PACS2: variants seen among roughly 807,000 people sequenced by gnomAD.
PACS2 encodes PACS1-like protein.
PACS2 carries 36 observed loss-of-function variants against 113.0 expected under a neutral mutation model. That is an observed-to-expected ratio of 0.32 (90% CI 0.24 to 0.42). The LOEUF is 0.42. Among genes scored for constraint, PACS2 ranks in the 10% least tolerant of loss-of-function variants. The pLI is 1.00. For missense variants in PACS2, 1,015 were observed against 1,239.5 expected (o/e 0.82, Z 2.72); for synonymous variants, 589 against 536.1 (o/e 1.10, Z -1.36).
At position 105,379,725 on chromosome 14, in the gene PACS2, G is replaced by A. The variant is rs1480164628; in HGVS notation, c.960-14G>A. The A allele has an allele frequency of 6.2e-7, 1 of 1,610,844 alleles. No individual in the cohort carries two copies. The highest frequency in any genetic ancestry group is 1.1e-5 in the South Asian group (1 of 91,008). Reference sequence around the variant, plus strand: ...GGAAATTAACGTGTCCCCCACCCCTGTTCCCTGAGCCAGGCCATACTTTGA... The same window carrying A: ...GGAAATTAACGTGTCCCCCACCCCTATTCCCTGAGCCAGGCCATACTTTGA... On this transcript the variant is annotated splice_polypyrimidine_tract_variant and intron_variant, in intron 9 of 24. Coordinates refer to ENST00000447393, the MANE Select transcript of PACS2 (RefSeq NM_001100913.3).
At chr14:105,380,284 G>T (rs1170786056) in intron 11 of PACS2, 130 bp downstream of exon 11, 12 of 776,300 alleles carry the variant, frequency 1.5e-5, no homozygotes, top group Non-Finnish European at 2.5e-5. Flanking sequence ...CAGAGGTGGG[G>T]TCAGCCCTCA....
chr14:105,352,490 C>CG (rs2060217721), intron 3 of PACS2, 23 bp downstream of exon 3: 8 of 1,444,378 alleles, frequency 5.5e-6, no homozygotes, highest in South Asian at 1.1e-5. Flanking sequence ...CCAGTGGTGA[C>CG]GACACCCTCA....
intron 12 of PACS2, among the ~76,000 whole-genome samples, chr14:105,381,633 G>A (rs981941227): frequency 1.3e-5 from 2 of 152,222 alleles, no homozygotes; most frequent in African/African-American, 2.4e-5. Flanking sequence ...CAGTCCTCAC[G>A]GTGGCTCCAA....
At chr14:105,392,160 C>T (rs772055986) in intron 22 of PACS2, 6 of 326,914 alleles carry the variant, frequency 1.8e-5, no homozygotes, top group Admixed American at 4.8e-5. Flanking sequence ...CGGGTCTCTC[C>T]GGAGCAGACC....
chr14:105,343,699 C>CTT lies in PACS2; in HGVS notation c.120-4781_120-4780dup, dbSNP rs200290671. ...AACGTCTGTTCAAATATTTTGCTCA[C>CTT]TTTTTTTTTTTTTTGAGATGGAGTC... On this transcript the variant is annotated intron_variant, in intron 1 of 24. Transcript: ENST00000447393. Among the ~76,000 whole-genome samples, 52 of 142,238 alleles carry CTT rather than the reference C, an allele frequency of 3.7e-4. 1 individual carries two copies. Among genetic ancestry groups the CTT allele is most frequent in the African/African-American group, 1.2e-3 (47 of 38,766 alleles). The allele number at this position is 142,238 out of a possible 152,430, so 93.3% of individuals were successfully genotyped here. A position where few individuals can be genotyped will look rare whatever the true frequency, so the allele number is the denominator to read the frequency against.
chr14:105,318,516 C>T (rs1271924842), intron 1 of PACS2, among the ~76,000 whole-genome samples: 4 of 152,104 alleles, frequency 2.6e-5, no homozygotes, highest in African/African-American at 7.2e-5. Context: ...TGCAGTGGTG[C>T]AATCTCGGCT....
chr14:105,383,047 C>A, intron 15 of PACS2, 134 bp downstream of exon 15: 1 of 645,932 alleles, frequency 1.5e-6, no homozygotes, highest in Non-Finnish European at 2.7e-6. Flanking sequence ...GAGGCTGACC[C>A]ATGCGCTCTT....
intron 1 of PACS2, among the ~76,000 whole-genome samples, chr14:105,333,483 C>T (rs1036479912): frequency 1.3e-4 from 20 of 152,332 alleles, no homozygotes; most frequent in Middle Eastern, 6.8e-3. Flanking sequence ...CACAGTGTCT[C>T]GGCAGAAGGT....
intron 19 of PACS2, among the ~76,000 whole-genome samples, chr14:105,386,483 G>A (rs1392542410): frequency 6.6e-6 from 1 of 152,084 alleles, no homozygotes; most frequent in African/African-American, 2.4e-5. Context: ...AACCTTTCAT[G>A]TTCAGAGCCA....
At chr14:105,306,525 G>A (rs587764542) in intron 1 of PACS2, among the ~76,000 whole-genome samples, 3 of 152,122 alleles carry the variant, frequency 2.0e-5, no homozygotes, top group East Asian at 1.9e-4. Flanking sequence ...GGATGGCCTC[G>A]ATCTCCTGAC....
At chr14:105,371,360 G>T (rs781915556) in intron 8 of PACS2, 2 of 152,206 alleles carry the variant, frequency 1.3e-5, no homozygotes, top group Non-Finnish European at 2.9e-5. Flanking sequence ...GCACTCACCT[G>T]GGCAACTGAA....
Position 105,314,956 on chromosome 14 carries a change from C to CCGGCGCGCT in PACS2, c.40_48dup (p.Gly14_Leu16dup), listed in dbSNP as rs1422074156. 5.0e-6 allele frequency: 6 copies of CCGGCGCGCT among 1,191,672 alleles called. No homozygotes were observed. The Admixed American group carries it at 9.4e-5, about 19-fold the overall frequency. The allele number at this position is 1,191,672 out of a possible 1,614,324, so 73.8% of individuals were successfully genotyped here. On this transcript the variant is annotated inframe_insertion, in exon 1 of 25. Coordinates refer to ENST00000447393, the MANE Select transcript of PACS2 (RefSeq NM_001100913.3). ...GGCCGCCTCGGCCTCCCCGGCGCGC[C>CCGGCGCGCT]CGGCGCGCTCAACACGCCCGTGCCC...
chr14:105,303,853 A>C (rs958876845), intron 1 of PACS2, among the ~76,000 whole-genome samples: 1 of 152,348 alleles, frequency 6.6e-6, no homozygotes, highest in South Asian at 2.1e-4. Flanking sequence ...TTATGGCAAC[A>C]CTAGCTTGCA....
Position 105,384,364 on chromosome 14 carries a change from G to A in PACS2, c.1792G>A (p.Val598Met), listed in dbSNP as rs781953013. Reference sequence around the variant, plus strand: ...CCCCTGGCATGCAGGCTCCCACCCCGTGGCCAGGTACCTAGGCTCCGTGGA... The same window carrying A: ...CCCCTGGCATGCAGGCTCCCACCCCATGGCCAGGTACCTAGGCTCCGTGGA... ...FLVIPLGSHP[V>M]ARYLGSVDYR... The change falls in exon 17 of 25, where the codon GTG becomes ATG. Residue 598 changes from valine to methionine, a missense_variant. Around this residue, in one of 3 missense-constraint regions of PACS2, gnomAD observed 859 missense variants for 1,056.8 expected, o/e 0.81. Transcript: ENST00000447393. 3 of 1,608,488 alleles carry A rather than the reference G, an allele frequency of 1.9e-6. No individual in the cohort carries two copies. The highest frequency in any genetic ancestry group is 2.5e-6 in the Non-Finnish European group (3 of 1,176,940).
At chr14:105,311,160 G>A (rs1265888425), upstream of PACS2, among the ~76,000 whole-genome samples, 2 of 152,062 alleles carry the variant, frequency 1.3e-5, no homozygotes, top group African/African-American at 2.4e-5. Flanking sequence ...CACTATGTTG[G>A]CCAGGATGGT....
intron 1 of PACS2, among the ~76,000 whole-genome samples, chr14:105,307,431 C>T (rs1390968657): frequency 6.6e-6 from 1 of 152,184 alleles, no homozygotes; most frequent in Non-Finnish European, 1.5e-5. Flanking sequence ...AATAAAGGCT[C>T]TTGCCCACCC....
chr14:105,386,753 A>G (rs1477923102), intron 19 of PACS2, among the ~76,000 whole-genome samples: 2 of 152,092 alleles, frequency 1.3e-5, no homozygotes, highest in African/African-American at 4.8e-5. Context: ...GGGACCACCC[A>G]CAGCTGTAGG....
Position 105,353,798 on chromosome 14 carries a change from C to T in PACS2, c.298-1254C>T, listed in dbSNP as rs587632344. Among the ~76,000 whole-genome samples, 4 of 152,138 alleles carry T rather than the reference C, an allele frequency of 2.6e-5. No homozygotes were observed. The South Asian group carries it at 8.3e-4, about 32-fold the overall frequency. Reference sequence around the variant, plus strand: ...TAGTTGAGACGGGGTTTCACCATGTCGGCCAGGCTGGTCTCGAACTCCTGA... The same window carrying T: ...TAGTTGAGACGGGGTTTCACCATGTTGGCCAGGCTGGTCTCGAACTCCTGA... On this transcript the variant is annotated intron_variant, in intron 3 of 24. Coordinates refer to ENST00000447393, the MANE Select transcript of PACS2 (RefSeq NM_001100913.3).
At chr14:105,382,752 C>A in intron 14 of PACS2, 55 bp from the exon 15 acceptor site, 3 of 1,164,374 alleles carry the variant, frequency 2.6e-6, no homozygotes, top group Non-Finnish European at 3.7e-6. Flanking sequence ...GGGTCAGGTG[C>A]TGGGGGTGGC....
Sources: allele counts gnomAD v4.1 joint callset (sites outside exome capture counted in the v4.1 genomes callset), GRCh38; gene constraint gnomAD v4.1.1; regional missense constraint gnomAD v4.1.1; transcripts MANE v1.5; gene names NCBI Gene and HGNC (gene_info 2026-07-23, HGNC 2026-07-21).